The following IL26 variants were observed in gnomAD, a reference collection of about 807,000 sequenced individuals.
IL26 encodes interleukin-26.
Under a neutral mutation model 21.7 loss-of-function variants are expected in IL26, and 23 were observed. The observed-to-expected ratio is 1.06, with a 90% CI of 0.76 to 1.50. IL26 has a LOEUF of 1.50. Among genes scored for constraint, IL26 ranks in the 40% most tolerant of loss-of-function variants. IL26 has a pLI of 0.00. For missense variants in IL26, 204 were observed against 196.0 expected (o/e 1.04, Z -0.24); for synonymous variants, 63 against 67.8 (o/e 0.93, Z 0.34).
chr12:68,207,535 A>C (rs761990082), intron 3 of IL26, among the ~76,000 whole-genome samples: 2 of 152,238 alleles, frequency 1.3e-5, no homozygotes, highest in Non-Finnish European at 2.9e-5. Flanking sequence ...AGGTGGCTAC[A>C]GAATTATTAT....
At position 68,225,181 on chromosome 12, in the gene IL26, A is replaced by G; in HGVS notation, c.331T>C (p.Phe111Leu). ...CTCAATTTCTGCCTAAGGCTATGAA[A>G]GTCCTCCACAAAGCGTATTTTCTTG... ...GCKKIRFVED[F>L]HSLRQKLSHC... The change falls in exon 3 of 5, where the codon TTT (phenylalanine) becomes CTT (leucine). Residue 111 changes from phenylalanine to leucine, a missense_variant. Coordinates refer to ENST00000229134, the MANE Select transcript of IL26 (RefSeq NM_018402.2). 3.1e-6 allele frequency: 5 copies of G among 1,613,324 alleles called. No individual in the cohort carries two copies. Among genetic ancestry groups the G allele is most frequent in the Non-Finnish European group, 4.2e-6 (5 of 1,179,770 alleles).
At chr12:68,213,421 T>C (rs1160470202) in intron 3 of IL26, among the ~76,000 whole-genome samples, 2 of 152,132 alleles carry the variant, frequency 1.3e-5, no homozygotes, top group Non-Finnish European at 2.9e-5. Context: ...CTCTTCTCTT[T>C]AATTTTTTAA....
chr12:68,224,192 A>T (rs1385277687), intron 3 of IL26, among the ~76,000 whole-genome samples: 1 of 152,196 alleles, frequency 6.6e-6, no homozygotes, highest in East Asian at 1.9e-4. Flanking sequence ...AGGCTGGAGA[A>T]AGCATACTTG....
chr12:68,222,278 G>GT (rs1442758055), intron 3 of IL26, among the ~76,000 whole-genome samples: 1 of 152,172 alleles, frequency 6.6e-6, no homozygotes, highest in East Asian at 1.9e-4. Flanking sequence ...AATATCATAT[G>GT]TTTTGCTTTT....
chr12:68,225,526 T>C (rs956065856), intron 1 of IL26, 26 bp from the exon 2 acceptor site: 7 of 1,600,790 alleles, frequency 4.4e-6, no homozygotes, highest in Non-Finnish European at 6.0e-6. Context: ...GAGAAATAAG[T>C]TGTATCCAAG....
intron 2 of IL26, 39 bp from the exon 3 acceptor site, chr12:68,225,322 T>G: frequency 6.3e-7 from 1 of 1,587,690 alleles, no homozygotes; most frequent in Non-Finnish European, 8.6e-7. Context: ...TGGTAAATTA[T>G]GAATCGTTTT....
intron 3 of IL26, among the ~76,000 whole-genome samples, chr12:68,222,992 T>G (rs530016946): frequency 4.9e-4 from 73 of 148,770 alleles, no homozygotes; most frequent in African/African-American, 1.9e-3. Flanking sequence ...ATAGAGTAGG[T>G]GCTCAGTTAA....
At chr12:68,204,807 G>T (rs1360510426) in intron 3 of IL26, among the ~76,000 whole-genome samples, 2 of 152,184 alleles carry the variant, frequency 1.3e-5, no homozygotes, top group Non-Finnish European at 2.9e-5. Context: ...CTGATCTACA[G>T]AGTTCTCATT....
intron 3 of IL26, among the ~76,000 whole-genome samples, chr12:68,206,126 G>A (rs4913421): frequency 0.092 from 13,960 of 152,146 alleles, 798 homozygotes; most frequent in Non-Finnish European, 0.12. Flanking sequence ...AGTTATGTAC[G>A]ACATCTGAAC....
chr12:68,225,223 G>T lies in IL26; in HGVS notation c.289C>A (p.Leu97Met). 2 of 1,613,774 alleles carry T rather than the reference G, an allele frequency of 1.2e-6. No homozygotes were observed. Among genetic ancestry groups the T allele is most frequent in the Non-Finnish European group, 1.7e-6 (2 of 1,179,878 alleles). ...SFFMEDVFGQ[L>M]QLQGCKKIRF... Reference sequence around the variant, plus strand: ...ATTTTCTTGCAGCCTTGCAATTGCAGTTGACCAAAAACGTCTTCCATGAAG... The same window carrying T: ...ATTTTCTTGCAGCCTTGCAATTGCATTTGACCAAAAACGTCTTCCATGAAG... The change falls in exon 3 of 5, where the codon CTG (leucine) becomes ATG (methionine). Residue 97 changes from leucine to methionine, a missense_variant. Coordinates refer to ENST00000229134, the MANE Select transcript of IL26 (RefSeq NM_018402.2).
At chr12:68,204,346 T>C (rs1183475129) in intron 3 of IL26, among the ~76,000 whole-genome samples, 1 of 152,014 alleles carries the variant, frequency 6.6e-6, no homozygotes, top group Non-Finnish European at 1.5e-5. Flanking sequence ...GGTTTCACCG[T>C]GTTAGCCAGG....
intron 3 of IL26, among the ~76,000 whole-genome samples, chr12:68,219,400 AT>A (rs1446392025): frequency 2.0e-5 from 3 of 151,948 alleles, no homozygotes; most frequent in African/African-American, 7.2e-5. Flanking sequence ...ATTCCCACAT[AT>A]AAAAACTAAA....
At position 68,212,778 on chromosome 12, in the gene IL26, C is replaced by G. The variant is rs1395614573; in HGVS notation, c.364-10695G>C. On this transcript the variant is annotated intron_variant, in intron 3 of 4. Coordinates refer to ENST00000229134, the MANE Select transcript of IL26 (RefSeq NM_018402.2). ...ATTTACGGAATTTTTTTTATCAGTT[C>G]TAACAGTTTAGGTAGAGTCTTTAGG... is the stretch of plus-strand genomic sequence containing the variant. Among the ~76,000 whole-genome samples the G allele has an allele frequency of 3.9e-5, 6 of 151,900 alleles. No homozygotes were observed. In the East Asian group the frequency reaches 1.2e-3, roughly 29 times the overall value.
intron 3 of IL26, among the ~76,000 whole-genome samples, chr12:68,224,904 A>G (rs1869192505): frequency 6.6e-6 from 1 of 152,248 alleles, no homozygotes; most frequent in Non-Finnish European, 1.5e-5. Flanking sequence ...AAACCATGTC[A>G]TGTTACTTTA....
chr12:68,209,533 A>G (rs1868644643), intron 3 of IL26, among the ~76,000 whole-genome samples: 1 of 152,196 alleles, frequency 6.6e-6, no homozygotes, highest in Non-Finnish European at 1.5e-5. Context: ...TTATGCCCTG[A>G]GCCCTGGATG....
At chr12:68,213,374 G>C (rs1402130145) in intron 3 of IL26, among the ~76,000 whole-genome samples, 2 of 151,964 alleles carry the variant, frequency 1.3e-5, no homozygotes, top group Non-Finnish European at 2.9e-5. Context: ...TTTATATCAA[G>C]GTACAACTGG....
chr12:68,214,875 C>T (rs2111055), intron 3 of IL26, among the ~76,000 whole-genome samples: 150,737 of 150,738 alleles, frequency 1, 75,368 homozygotes, highest in Non-Finnish European at 1. Flanking sequence ...ATTTTGTTAC[C>T]TGTTTTATGT....
intron 3 of IL26, among the ~76,000 whole-genome samples, chr12:68,203,060 T>C (rs1282081901): frequency 6.6e-6 from 1 of 152,160 alleles, no homozygotes; most frequent in African/African-American, 2.4e-5. Flanking sequence ...CACAGAACAA[T>C]GTTCAGTGTA....
At chr12:68,211,053 T>C (rs1868714749) in intron 3 of IL26, among the ~76,000 whole-genome samples, 1 of 152,208 alleles carries the variant, frequency 6.6e-6, no homozygotes, top group Admixed American at 6.5e-5. Context: ...ACTGTATTTT[T>C]GAGCCCATTA....
Sources: gnomAD v4.1 joint callset for allele counts (sites outside exome capture counted in the v4.1 genomes callset) on GRCh38, gnomAD v4.1.1 for gene constraint, MANE v1.5 for transcripts, NCBI Gene and HGNC (gene_info 2026-07-23, HGNC 2026-07-21) for gene names.